The following RALYL variants were observed in gnomAD, a reference collection of about 807,000 sequenced individuals.
RALYL encodes RALY RNA binding protein like, also known as RNA-binding Raly-like protein.
RALYL carries 29 observed loss-of-function variants against 35.1 expected under a neutral mutation model. The observed-to-expected ratio is 0.83, with a 90% CI of 0.61 to 1.13. RALYL has a LOEUF of 1.13. Ranked by LOEUF, RALYL falls within the 50% of genes most tolerant of loss-of-function variation. The pLI is 0.00. For synonymous variants in RALYL, 120 were observed against 127.6 expected (o/e 0.94, Z 0.40); for missense variants, 359 against 360.4 (o/e 1.00, Z 0.03).
At chr8:84,819,888 C>T (rs1828141725) in intron 4 of RALYL, among the ~76,000 whole-genome samples, 1 of 152,064 alleles carries the variant, frequency 6.6e-6, no homozygotes, top group East Asian at 1.9e-4. Flanking sequence ...CTAATTTGTT[C>T]ATATAATAAA....
chr8:84,412,168 T>C (rs915164311), intron 1 of RALYL, among the ~76,000 whole-genome samples: 2 of 151,804 alleles, frequency 1.3e-5, no homozygotes, highest in African/African-American at 4.8e-5. Context: ...ATATTACTTA[T>C]TGTCTAGACA....
chr8:84,247,470 T>G (rs961447873), intron 1 of RALYL, among the ~76,000 whole-genome samples: 3 of 152,008 alleles, frequency 2.0e-5, no homozygotes, highest in African/African-American at 7.2e-5. Context: ...AGGCCAAATA[T>G]TAGGTTTTCT....
At chr8:84,577,730 C>A (rs1328784286) in intron 2 of RALYL, among the ~76,000 whole-genome samples, 2 of 151,784 alleles carry the variant, frequency 1.3e-5, no homozygotes, top group African/African-American at 4.8e-5. Context: ...TAAATTATAT[C>A]TTAAAGGGGC....
chr8:84,488,779 G>C (rs2054926805), intron 1 of RALYL, among the ~76,000 whole-genome samples: 1 of 151,980 alleles, frequency 6.6e-6, no homozygotes, highest in South Asian at 2.1e-4. Context: ...TGCCAAAGTG[G>C]TGGGCAAGAG....
intron 1 of RALYL, among the ~76,000 whole-genome samples, chr8:84,495,846 C>T (rs186822948): frequency 5.6e-4 from 85 of 152,190 alleles, no homozygotes; most frequent in African/African-American, 2.0e-3. Flanking sequence ...ATAGCAAAAC[C>T]ACTGGGCTAC....
intron 1 of RALYL, among the ~76,000 whole-genome samples, chr8:84,238,839 T>C (rs955100923): frequency 1.3e-5 from 2 of 152,152 alleles, no homozygotes; most frequent in African/African-American, 4.8e-5. Context: ...ACACTCAGTT[T>C]GTGACTTCCA....
At chr8:84,535,071 A>G (rs770657982) in intron 2 of RALYL, among the ~76,000 whole-genome samples, 21 of 152,136 alleles carry the variant, frequency 1.4e-4, no homozygotes, top group Non-Finnish European at 1.8e-4. Flanking sequence ...TAATAGCTGG[A>G]TATTTGCATG....
At chr8:84,502,361 G>T (rs889254666) in intron 1 of RALYL, among the ~76,000 whole-genome samples, 1 of 151,980 alleles carries the variant, frequency 6.6e-6, no homozygotes, top group African/African-American at 2.4e-5. Context: ...GTCTCACTCT[G>T]CATGAAGAAG....
At chr8:84,825,345 C>T (rs1326903567) in intron 4 of RALYL, among the ~76,000 whole-genome samples, 1 of 151,914 alleles carries the variant, frequency 6.6e-6, no homozygotes, top group Non-Finnish European at 1.5e-5. Context: ...AATTAAAAAC[C>T]ACAGATGTTG....
chr8:84,675,134 C>A (rs1833948933), intron 2 of RALYL, among the ~76,000 whole-genome samples: 1 of 152,044 alleles, frequency 6.6e-6, no homozygotes, highest in South Asian at 2.1e-4. Flanking sequence ...CAATTCCATG[C>A]TGTTTGAGAA....
At chr8:84,596,434 A>G (rs557181776) in intron 2 of RALYL, among the ~76,000 whole-genome samples, 2 of 152,332 alleles carry the variant, frequency 1.3e-5, no homozygotes, top group South Asian at 4.1e-4. Flanking sequence ...AATACTGGAC[A>G]GGAACCATCA....
rs1341343481 is a variant in RALYL at position 84,464,850 on chromosome 8, G to A, written c.-23-64449G>A. 2.2e-4 allele frequency among the ~76,000 whole-genome samples: 32 copies of A among 142,676 alleles called. 1 individual carries two copies. Among genetic ancestry groups the A allele is most frequent in the Non-Finnish European group, 4.2e-4 (27 of 64,940 alleles). The allele number at this position is 142,676 out of a possible 152,430, so 93.6% of individuals were successfully genotyped here. A position where few individuals can be genotyped will look rare whatever the true frequency, so the allele number is the denominator to read the frequency against. ...CTGCCATTCTAACTGGTGTGAGATGGTATCTCATTGTGGTTTTGATTTGCA... is the reference window on the plus strand; with the variant it reads ...CTGCCATTCTAACTGGTGTGAGATGATATCTCATTGTGGTTTTGATTTGCA... On this transcript the variant is annotated intron_variant, in intron 1 of 8. Coordinates refer to ENST00000521268, the MANE Select transcript of RALYL (RefSeq NM_173848.7).
chr8:84,446,477 G>T (rs902660734), intron 1 of RALYL, among the ~76,000 whole-genome samples: 1 of 152,016 alleles, frequency 6.6e-6, no homozygotes, highest in Non-Finnish European at 1.5e-5. Flanking sequence ...TTAATTAAGA[G>T]ACCTGGATTT....
intron 2 of RALYL, among the ~76,000 whole-genome samples, chr8:84,760,898 T>G (rs1195126003): frequency 6.6e-6 from 1 of 152,084 alleles, no homozygotes; most frequent in Non-Finnish European, 1.5e-5. Context: ...TGTATCAGAA[T>G]AGAATGAAAT....
At chr8:84,498,297 T>C (rs1483319694) in intron 1 of RALYL, among the ~76,000 whole-genome samples, 3 of 152,070 alleles carry the variant, frequency 2.0e-5, no homozygotes, top group Non-Finnish European at 4.4e-5. Context: ...TCCTAGGATA[T>C]TGTTCCCATC....
At chr8:84,271,179 G>A (rs1019144229) in intron 1 of RALYL, among the ~76,000 whole-genome samples, 1 of 146,820 alleles carries the variant, frequency 6.8e-6, no homozygotes, top group South Asian at 2.2e-4. Flanking sequence ...AAAAAAACAG[G>A]TGAAGAGGAA....
At chr8:84,540,213 A>T (rs908984113) in intron 2 of RALYL, among the ~76,000 whole-genome samples, 1 of 151,806 alleles carries the variant, frequency 6.6e-6, no homozygotes, top group Non-Finnish European at 1.5e-5. Flanking sequence ...TTCCTTGCTT[A>T]TTCTAGAATA....
chr8:84,346,149 T>C (rs1849789495), intron 1 of RALYL: 1 of 718,816 alleles, frequency 1.4e-6, no homozygotes. Flanking sequence ...CCTGGCTCCA[T>C]AGTAAGTGTT....
intron 4 of RALYL, among the ~76,000 whole-genome samples, chr8:84,842,558 A>C (rs932545547): frequency 6.6e-6 from 1 of 152,240 alleles, no homozygotes; most frequent in Non-Finnish European, 1.5e-5. Context: ...AGCTAGTACC[A>C]TTCCTTCTGA....
Sources: gnomAD v4.1 joint callset for allele counts (sites outside exome capture counted in the v4.1 genomes callset) on GRCh38, gnomAD v4.1.1 for gene constraint, MANE v1.5 for transcripts, NCBI Gene and HGNC (gene_info 2026-07-23, HGNC 2026-07-21) for gene names.